The following TBC1D10B variants were observed in gnomAD, a reference collection of about 807,000 sequenced individuals.
TBC1D10B encodes TBC1 domain family member 10B.
A neutral mutation model predicts 78.4 loss-of-function variants in TBC1D10B; 25 were observed. The observed-to-expected ratio is 0.32, with a 90% confidence interval of 0.23 to 0.45. TBC1D10B has a LOEUF of 0.45. Among genes scored for constraint, TBC1D10B ranks in the 20% least tolerant of loss-of-function variants. The probability of loss-of-function intolerance (pLI) is 1.00; values close to 1 mark genes in which losing one functional copy is unlikely to be tolerated. For synonymous variants in TBC1D10B, 517 were observed against 478.0 expected, an observed-to-expected ratio of 1.08 and a Z score of -1.06; for missense variants, 996 against 1,104.8, an observed-to-expected ratio of 0.90 and a Z score of 1.40.
intron 4 of TBC1D10B, among the ~76,000 whole-genome samples, chr16:30,363,664 A>G (rs1488715841): frequency 6.6e-6 from 1 of 152,224 alleles, no homozygotes; most frequent in Non-Finnish European, 1.5e-5. Context: ...CATACAATAT[A>G]CTTTCCTTTC....
chr16:30,362,759 C>T (rs1458998472), intron 4 of TBC1D10B, among the ~76,000 whole-genome samples: 1 of 152,130 alleles, frequency 6.6e-6, no homozygotes, highest in Non-Finnish European at 1.5e-5. Context: ...TGTTCCCTGC[C>T]GGGCATGGAG....
chr16:30,370,267 G>A lies in TBC1D10B; in HGVS notation c.-84C>T, dbSNP rs924798442. Reference sequence around the variant, plus strand: ...CGGGCCTCCCGGCGAGGCCAGCCGAGAAAGGGGAGAGGGCGAAGGGCGCGG... The same window carrying A: ...CGGGCCTCCCGGCGAGGCCAGCCGAAAAAGGGGAGAGGGCGAAGGGCGCGG... On this transcript the variant is annotated 5_prime_UTR_variant, in exon 1 of 9. Transcript: ENST00000409939. 1.5e-5 allele frequency: 11 copies of A among 730,330 alleles called. No individual in the cohort carries two copies. Among genetic ancestry groups the A allele is most frequent in the African/African-American group, 3.8e-5 (2 of 52,742 alleles). 45.2% of individuals were successfully genotyped at this position (730,330 alleles called of 1,614,324 possible).
chr16:30,360,077 C>T (rs1004395159), intron 4 of TBC1D10B: 7 of 495,038 alleles, frequency 1.4e-5, no homozygotes, highest in Admixed American at 3.6e-5. Context: ...GCTGCACCCT[C>T]GCCCTCCTTC....
chr16:30,364,823 T>C, intron 4 of TBC1D10B, 77 bp downstream of exon 4: 1 of 1,378,100 alleles, frequency 7.3e-7, no homozygotes, highest in Non-Finnish European at 1.0e-6. Context: ...TTCGACTCAG[T>C]CTTGTATCCA....
rs1287816180 is a variant in TBC1D10B, at chr16:30,365,138, C to T, written c.1131G>A (p.Lys377=). The change falls in exon 3 of 9, where the codon AAG becomes AAA. Residue 377 remains lysine, a synonymous_variant. Transcript: ENST00000409939. This position sits in a 1 kb window ranked among gnomAD's most constrained non-coding sequence, Gnocchi z 5.0. ...AKAWQYLSNS[K]ELLEQNPGKF... ...TTCCTGGGTTCTGCTCCAGAAGTTC[C>T]TTGCTATTAGACAGGTACTGCCAGG... The T allele has an allele frequency of 6.2e-7, 1 of 1,614,014 alleles. No homozygotes were observed. The highest frequency in any genetic ancestry group is 1.1e-5 in the South Asian group (1 of 91,086).
In TBC1D10B at chr16:30,365,505, C is replaced by T. The variant is rs1470301768; in HGVS notation, c.1046G>A (p.Arg349Gln). Residue 349 changes from arginine (R) to glutamine (Q), a missense_variant, in exon 2 of 9, where the codon CGA (arginine) becomes CAA (glutamine). Coordinates refer to ENST00000409939, the MANE Select transcript of TBC1D10B (RefSeq NM_015527.4). This position sits in a 1 kb window ranked among gnomAD's most constrained non-coding sequence, Gnocchi z 5.0. Reference sequence around the variant, plus strand: ...ATTCAGCCCTCAAACCTTCTGGAATCGCCGTGACAGCCACTTATCCCAGTT... The same window carrying T: ...ATTCAGCCCTCAAACCTTCTGGAATTGCCGTGACAGCCACTTATCCCAGTT... Reference protein sequence around the residue: ...FSNWDKWLSRRFQKVKLRCRK... With the variant: ...FSNWDKWLSRQFQKVKLRCRK... 7 of 1,614,014 alleles carry T rather than the reference C, an allele frequency of 4.3e-6. No homozygotes were observed. Among genetic ancestry groups the T allele is most frequent in the Admixed American group, 1.7e-5 (1 of 60,030 alleles).
In TBC1D10B at chr16:30,357,794, G is replaced by T; in HGVS notation, c.*150C>A. On this transcript the variant is annotated 3_prime_UTR_variant, in exon 9 of 9. Coordinates refer to ENST00000409939, the MANE Select transcript of TBC1D10B (RefSeq NM_015527.4). Reference sequence around the variant, plus strand: ...CTGCCCATCTGTCCTGCCCGTGTAGGGATCAGCAGCTGGCGAGGAGATGGG... The same window carrying T: ...CTGCCCATCTGTCCTGCCCGTGTAGTGATCAGCAGCTGGCGAGGAGATGGG... The T allele has an allele frequency of 9.3e-7, 1 of 1,075,560 alleles. No individual in the cohort carries two copies. Among genetic ancestry groups the T allele is most frequent in the Non-Finnish European group, 1.3e-6 (1 of 769,838 alleles). The allele number at this position is 1,075,560 out of a possible 1,614,324, so 66.6% of individuals were successfully genotyped here.
chr16:30,360,034 A>G, intron 4 of TBC1D10B, 193 bp from the exon 5 acceptor site: 1 of 583,050 alleles, frequency 1.7e-6, no homozygotes, highest in South Asian at 2.1e-5. Flanking sequence ...CTTTGGCTAC[A>G]TACTCCACAT....
chr16:30,359,617 G>C lies in TBC1D10B; in HGVS notation c.1387-14C>G, dbSNP rs771638652. On this transcript the variant is annotated splice_polypyrimidine_tract_variant and intron_variant, in intron 5 of 8. Transcript: ENST00000409939. The stretch of plus-strand genomic sequence containing the variant: ...CCAAAAGGCTTGCTGAGAAGAGCAA[G>C]AACAAGGAGGAGGGGTGGGGCCTGA... 8 of 1,558,298 alleles carry C rather than the reference G, an allele frequency of 5.1e-6. No homozygotes were observed. The South Asian group carries it at 9.5e-5, about 18-fold the overall frequency.
At position 30,370,097 on chromosome 16, in the gene TBC1D10B, C is replaced by A. The variant is rs2049675696; in HGVS notation, c.87G>T (p.Arg29=). The A allele has an allele frequency of 9.8e-6, 12 of 1,223,124 alleles. No individual in the cohort carries two copies. Among genetic ancestry groups the A allele is most frequent in the Non-Finnish European group, 1.2e-5 (12 of 982,510 alleles). The allele number at this position is 1,223,124 out of a possible 1,614,324, so 75.8% of individuals were successfully genotyped here. Residue 29 remains arginine, a synonymous_variant, in exon 1 of 9, where the codon CGG becomes CGT. Coordinates refer to ENST00000409939, the MANE Select transcript of TBC1D10B (RefSeq NM_015527.4). Reference sequence around the variant, plus strand: ...GAGCCACCACCACGACGGGCCCGGCCCGGGAACCCCGGGGCGGCGGCGAGG... The same window carrying A: ...GAGCCACCACCACGACGGGCCCGGCACGGGAACCCCGGGGCGGCGGCGAGG... ...AAPSPPPRGS[R]AGPVVVVAPG... is the part of the protein sequence containing the mutation.
intron 7 of TBC1D10B, 75 bp from the exon 8 acceptor site, chr16:30,358,892 A>G (rs2049579818): frequency 1.3e-6 from 2 of 1,487,242 alleles, no homozygotes; most frequent in Non-Finnish European, 1.8e-6. Flanking sequence ...GGATAGACTC[A>G]CAGCCCCCAT....
chr16:30,357,434 G>C lies in TBC1D10B; in HGVS notation c.*510C>G. 1 of 172,226 alleles carries C rather than the reference G, an allele frequency of 5.8e-6. No individual in the cohort carries two copies. Among genetic ancestry groups the C allele is most frequent in the Non-Finnish European group, 1.3e-5 (1 of 78,080 alleles). 10.7% of individuals were successfully genotyped at this position (172,226 alleles called of 1,614,324 possible). On this transcript the variant is annotated 3_prime_UTR_variant, in exon 9 of 9. Transcript: ENST00000409939. The stretch of plus-strand genomic sequence containing the variant: ...GAGCATTATGGAAGGAGAACCAAAG[G>C]ACAGAAGACAAAGCGAGCACCCCCA...
rs1479307452 is a variant in TBC1D10B at position 30,358,060 on chromosome 16, C to T, written c.2311G>A (p.Glu771Lys). The part of the protein sequence containing the change: ...EKQEKERQKQ[E>K]KKAQGRKLSL... The stretch of plus-strand genomic sequence containing the variant: ...AGCTTCCGGCCTTGAGCCTTCTTCT[C>T]CTGCTTCTGCCGCTCCTTCTCCTGC... Residue 771 changes from glutamate (E) to lysine (K), a missense_variant, in exon 9 of 9, where the codon GAG becomes AAG. Glu to Lys is a moderately conservative substitution (Grantham distance 56, BLOSUM62 1). Transcript: ENST00000409939. The T allele has an allele frequency of 1.3e-6, 2 of 1,551,642 alleles. No individual in the cohort carries two copies. The highest frequency in any genetic ancestry group is 1.4e-5 in the African/African-American group (1 of 73,052).
At position 30,369,875 on chromosome 16, in the gene TBC1D10B, C is replaced by T. The variant is rs2049671867; in HGVS notation, c.309G>A (p.Pro103=). ...TLEASPEAPK[P]QLPSGPESPE... ...GGGATTCCGGGCCGGAGGGGAGCTG[C>T]GGCTTTGGGGCTTCGGGCGAGGCCT... The change falls in exon 1 of 9, where the codon CCG becomes CCA. Residue 103 remains proline, a synonymous_variant. Transcript: ENST00000409939. The surrounding 1 kb of genome is among the most constrained non-coding windows in gnomAD (Gnocchi z 4.3). 7.2e-7 allele frequency: 1 copy of T among 1,397,426 alleles called. No individual in the cohort carries two copies. The highest frequency in any genetic ancestry group is 1.5e-5 in the African/African-American group (1 of 67,922). The allele number at this position is 1,397,426 out of a possible 1,614,324, so 86.6% of individuals were successfully genotyped here. A position where few individuals can be genotyped will look rare whatever the true frequency, so the allele number is the denominator to read the frequency against.
chr16:30,368,988 A>G (rs554946217), intron 1 of TBC1D10B, among the ~76,000 whole-genome samples: 2 of 152,252 alleles, frequency 1.3e-5, no homozygotes, highest in East Asian at 1.9e-4. Context: ...AGGGCACACA[A>G]CCCATCAAAG....
chr16:30,370,114 G>C lies in TBC1D10B; in HGVS notation c.70C>G (p.Pro24Ala). The change falls in exon 1 of 9, where the codon CCG becomes GCG. Residue 24 changes from proline to alanine, a missense_variant. Physicochemically the swap from Pro to Ala is conservative, Grantham distance 27. Around this residue, in one of 5 missense-constraint regions of TBC1D10B, gnomAD observed 448 missense variants for 442.1 expected, o/e 1.01. Coordinates refer to ENST00000409939, the MANE Select transcript of TBC1D10B (RefSeq NM_015527.4). ...GGCCCGGCCCGGGAACCCCGGGGCG[G>C]CGGCGAGGGGGCCGCGGGGGCGCCA... is the stretch of plus-strand genomic sequence containing the variant. Reference protein sequence around the residue: ...RHGAPAAPSPPPRGSRAGPVV... With the variant: ...RHGAPAAPSPAPRGSRAGPVV... 1 of 1,217,662 alleles carries C rather than the reference G, an allele frequency of 8.2e-7. No individual in the cohort carries two copies. The highest frequency in any genetic ancestry group is 1.0e-6 in the Non-Finnish European group (1 of 979,060). 75.4% of individuals were successfully genotyped at this position (1,217,662 alleles called of 1,614,324 possible). A position where few individuals can be genotyped will look rare whatever the true frequency, so the allele number is the denominator to read the frequency against.
At position 30,358,071 on chromosome 16, in the gene TBC1D10B, C is replaced by T. The variant is rs1027737255; in HGVS notation, c.2300G>A (p.Arg767Gln). Residue 767 changes from arginine to glutamine, a missense_variant, in exon 9 of 9, where the codon CGG becomes CAG. Coordinates refer to ENST00000409939, the MANE Select transcript of TBC1D10B (RefSeq NM_015527.4). ...EKEREKQEKERQKQEKKAQGR... is the reference protein window; with the variant it reads ...EKEREKQEKEQQKQEKKAQGR... ...TTGAGCCTTCTTCTCCTGCTTCTGC[C>T]GCTCCTTCTCCTGCTTCTCTCGCTC... The T allele has an allele frequency of 1.7e-5, 27 of 1,551,252 alleles. No individual in the cohort carries two copies. The East Asian group carries it at 3.7e-4, about 21-fold the overall frequency.
chr16:30,365,735 G>T lies in TBC1D10B; in HGVS notation c.957-141C>A. ...GAGCTGCCAAACATCAGGATGTCTG[G>T]CCACTTGGGCATCCCAAGGCACACT... On this transcript the variant is annotated intron_variant, in intron 1 of 8. Transcript: ENST00000409939. The surrounding 1 kb of genome is among the most constrained non-coding windows in gnomAD (Gnocchi z 5.0). The T allele has an allele frequency of 2.7e-6, 2 of 743,366 alleles. No individual in the cohort carries two copies. The highest frequency in any genetic ancestry group is 4.6e-6 in the Non-Finnish European group (2 of 439,330). The allele number at this position is 743,366 out of a possible 1,614,324, so 46.0% of individuals were successfully genotyped here.
Position 30,370,476 on chromosome 16 carries a change from G to T in TBC1D10B, c.-293C>A, listed in dbSNP as rs1403862371. On this transcript the variant is annotated 5_prime_UTR_variant, in exon 1 of 9. Coordinates refer to ENST00000409939, the MANE Select transcript of TBC1D10B (RefSeq NM_015527.4). ...GCGCCTGCGCACACGCCGCAGAGCC[G>T]GCTCCGCGCCAGCGTCTCGGCGTTC... Among the ~76,000 whole-genome samples the T allele has an allele frequency of 6.6e-6, 1 of 152,206 alleles. No individual in the cohort carries two copies. The highest frequency in any genetic ancestry group is 2.4e-5 in the African/African-American group (1 of 41,564).
Sources: gnomAD v4.1 joint callset for allele counts (sites outside exome capture counted in the v4.1 genomes callset) on GRCh38, gnomAD v4.1.1 for gene constraint, gnomAD v4.1.1 regional missense constraint, Gnocchi (gnomAD v3.1) non-coding constraint, MANE v1.5 for transcripts, NCBI Gene and HGNC (gene_info 2026-07-23, HGNC 2026-07-21) for gene names.